EPHA4: variants seen among roughly 807,000 people sequenced by gnomAD.
The protein encoded by EPHA4 is ephrin type-A receptor 4.
EPHA4 carries 19 observed loss-of-function variants against 108.3 expected under a neutral mutation model. That is an observed-to-expected ratio of 0.18 (90% CI 0.12 to 0.26). The LOEUF (loss-of-function observed/expected upper bound fraction) is 0.26, where lower values mean the gene tolerates loss of function less well. EPHA4 is among the 10% of genes least tolerant of loss of function. The probability of loss-of-function intolerance (pLI) is 1.00; values close to 1 mark genes in which losing one functional copy is unlikely to be tolerated. For synonymous variants in EPHA4, 449 were observed against 455.5 expected (o/e 0.99, Z 0.18); for missense variants, 917 against 1,254.0 (o/e 0.73, Z 4.06).
At chr2:221,421,876 A>G (rs899383774) in intron 17 of EPHA4, 2 of 152,176 alleles carry the variant, frequency 1.3e-5, no homozygotes, top group African/African-American at 4.8e-5. Flanking sequence ...AGAGAATAAA[A>G]TTTAATTTTT....
In EPHA4 at chr2:221,438,693, G is replaced by A. The variant is rs149253802; in HGVS notation, c.2075-1571C>T. Among the ~76,000 whole-genome samples the A allele has an allele frequency of 4.6e-3, 695 of 152,188 alleles. 3 individuals are homozygous for A. Among genetic ancestry groups the A allele is most frequent in the African/African-American group, 0.016 (650 of 41,524 alleles). ...CCAGCTTCTCGGGAGGCTGAGACAA[G>A]AGAATCACTTGAGCCCAGGAGGCAG... On this transcript the variant is annotated intron_variant, in intron 11 of 17. Coordinates refer to ENST00000281821, the MANE Select transcript of EPHA4 (RefSeq NM_004438.5).
At chr2:221,542,767 C>T (rs940472176) in intron 3 of EPHA4, among the ~76,000 whole-genome samples, 2 of 152,090 alleles carry the variant, frequency 1.3e-5, no homozygotes, top group Admixed American at 6.5e-5. Flanking sequence ...AAATACATAA[C>T]CCTTTATGTT....
intron 5 of EPHA4, among the ~76,000 whole-genome samples, chr2:221,462,061 G>A (rs1436707209): frequency 2.7e-5 from 4 of 148,432 alleles, no homozygotes; most frequent in Admixed American, 6.9e-5. Context: ...ATCTACCCAC[G>A]GACTTCTTTC....
intron 5 of EPHA4, among the ~76,000 whole-genome samples, chr2:221,470,706 G>C (rs566441154): frequency 6.6e-6 from 1 of 152,118 alleles, no homozygotes; most frequent in African/African-American, 2.4e-5. Context: ...CAAGTGTAAG[G>C]AAGCACCTGG....
intron 17 of EPHA4, among the ~76,000 whole-genome samples, chr2:221,421,286 C>T (rs866538430): frequency 1.3e-5 from 2 of 149,100 alleles, no homozygotes; most frequent in South Asian, 2.1e-4. Flanking sequence ...GGTGACAGAG[C>T]GAGACTCTGT....
intron 3 of EPHA4, among the ~76,000 whole-genome samples, chr2:221,511,938 G>A (rs1310100037): frequency 6.6e-6 from 1 of 152,098 alleles, no homozygotes; most frequent in African/African-American, 2.4e-5. Flanking sequence ...TAAAACAGCT[G>A]AAGGAAACAA....
chr2:221,471,904 C>T (rs1031404834), intron 5 of EPHA4, among the ~76,000 whole-genome samples: 1 of 152,080 alleles, frequency 6.6e-6, no homozygotes, highest in African/African-American at 2.4e-5. Context: ...TTATCACAAA[C>T]CTTAATAATA....
chr2:221,474,119 T>C (rs1177992557), intron 5 of EPHA4, among the ~76,000 whole-genome samples: 1 of 152,214 alleles, frequency 6.6e-6, no homozygotes, highest in Non-Finnish European at 1.5e-5. Context: ...CACTACGTTC[T>C]ATAGACATAC....
chr2:221,498,807 T>C (rs6741324), intron 4 of EPHA4, among the ~76,000 whole-genome samples: 15 of 87,658 alleles, frequency 1.7e-4, no homozygotes, highest in East Asian at 4.8e-4. Flanking sequence ...TTTTTTTTTT[T>C]GAGACGACAG....
At chr2:221,535,599 C>T (rs973085890) in intron 3 of EPHA4, among the ~76,000 whole-genome samples, 3 of 151,708 alleles carry the variant, frequency 2.0e-5, no homozygotes, top group African/African-American at 4.8e-5. Context: ...TTTTTTTCCT[C>T]TTCAAACAAC....
At chr2:221,452,943 C>T (rs1690832591) in intron 8 of EPHA4, among the ~76,000 whole-genome samples, 1 of 152,212 alleles carries the variant, frequency 6.6e-6, no homozygotes, top group African/African-American at 2.4e-5. Flanking sequence ...ATTACATTTT[C>T]ATGTGTTTTT....
chr2:221,503,650 G>C (rs1347980966), intron 3 of EPHA4, among the ~76,000 whole-genome samples: 1 of 152,180 alleles, frequency 6.6e-6, no homozygotes, highest in Non-Finnish European at 1.5e-5. Context: ...AAAATTGAAG[G>C]CTGCTGTTCT....
chr2:221,478,162 G>A (rs1036254513), intron 5 of EPHA4, among the ~76,000 whole-genome samples: 10 of 151,918 alleles, frequency 6.6e-5, no homozygotes, highest in African/African-American at 1.7e-4. Flanking sequence ...GGAGATGAAC[G>A]GCAAAAAACC....
At chr2:221,457,219 G>T (rs1310075143) in intron 6 of EPHA4, among the ~76,000 whole-genome samples, 1 of 152,112 alleles carries the variant, frequency 6.6e-6, no homozygotes, top group Non-Finnish European at 1.5e-5. Flanking sequence ...GCCAATAAGT[G>T]ATTATCTTTA....
In EPHA4 at chr2:221,525,387, C is replaced by T. The variant is rs187486415; in HGVS notation, c.824-24215G>A. ...GAGGAAAACGAGTTACCATATGCTC[C>T]GTAAATTTCCTTTCGGTTAAAAAAG... is the stretch of plus-strand genomic sequence containing the variant. On this transcript the variant is annotated intron_variant, in intron 3 of 17. Transcript: ENST00000281821. Among the ~76,000 whole-genome samples the T allele has an allele frequency of 1.9e-3, 296 of 152,164 alleles. 3 individuals carry two copies. The highest frequency in any genetic ancestry group is 3.0e-3 in the Non-Finnish European group (206 of 68,004).
In EPHA4 at chr2:221,444,309, A is replaced by G. The variant is rs145247690; in HGVS notation, c.1775-703T>C. 5.8e-3 allele frequency among the ~76,000 whole-genome samples: 886 copies of G among 152,316 alleles called. 9 individuals carry two copies. The highest frequency in any genetic ancestry group is 0.02 in the African/African-American group (844 of 41,574). ...CTCATACTACCCATAAACTAAATTT[A>G]GATGTGTTTGCCGGCAGCCCAGTGA... On this transcript the variant is annotated intron_variant, in intron 9 of 17. Coordinates refer to ENST00000281821, the MANE Select transcript of EPHA4 (RefSeq NM_004438.5).
intron 3 of EPHA4, chr2:221,502,584 G>A (rs1194876925): frequency 2.1e-6 from 1 of 471,204 alleles, no homozygotes. Flanking sequence ...TGGAGATAGG[G>A]CCATCATCTC....
intron 3 of EPHA4, among the ~76,000 whole-genome samples, chr2:221,551,925 A>G (rs1255040045): frequency 6.6e-6 from 1 of 151,978 alleles, no homozygotes; most frequent in Admixed American, 6.6e-5. Context: ...GCAGAGAGGC[A>G]ATTCTAAAAG....
intron 3 of EPHA4, among the ~76,000 whole-genome samples, chr2:221,507,924 C>T (rs1301017557): frequency 1.3e-5 from 2 of 152,158 alleles, no homozygotes; most frequent in Non-Finnish European, 2.9e-5. Context: ...CAGAGTCTAG[C>T]ATGTATCAGA....
Sources: allele counts gnomAD v4.1 joint callset (sites outside exome capture counted in the v4.1 genomes callset), GRCh38; gene constraint gnomAD v4.1.1; transcripts MANE v1.5; gene names NCBI Gene and HGNC (gene_info 2026-07-23, HGNC 2026-07-21).